INO80C: variants seen among roughly 807,000 people sequenced by gnomAD.
The protein encoded by INO80C is IES6 homolog.
A neutral mutation model predicts 17.7 loss-of-function variants in INO80C; 17 were observed. The observed-to-expected ratio is 0.96, with a 90% confidence interval of 0.66 to 1.44. The LOEUF is 1.44. INO80C is among the 40% of genes most tolerant of loss of function. INO80C has a pLI of 0.00. For synonymous variants in INO80C, 96 were observed against 95.8 expected, an observed-to-expected ratio of 1.00 and a Z score of -0.01; for missense variants, 244 against 245.0, an observed-to-expected ratio of 1.00 and a Z score of 0.03.
intron 1 of INO80C, among the ~76,000 whole-genome samples, chr18:35,483,137 G>A (rs948888614): frequency 6.6e-6 from 1 of 152,024 alleles, no homozygotes; most frequent in African/African-American, 2.4e-5. Context: ...ATTGGGATTC[G>A]TCCATGTCAG....
At chr18:35,475,458 AG>A (rs1221544376) in intron 4 of INO80C, among the ~76,000 whole-genome samples, 9 of 152,346 alleles carry the variant, frequency 5.9e-5, no homozygotes, top group African/African-American at 2.2e-4. Context: ...ACTTGAGCCC[AG>A]GAATTTGAGA....
Position 35,468,622 on chromosome 18 carries a change from T to C in INO80C, c.568A>G (p.Ile190Val), listed in dbSNP as rs776007182. ...TCCCTTTCTGGGGCTCAGGGAACGA[T>C]GCTCGTGGCCTTCCTCAGGGCCAGG... ...GYLALRKATS[I>V]VP Residue 190 changes from isoleucine (I) to valine (V), a missense_variant, in exon 5 of 5, where the codon ATC (isoleucine) becomes GTC (valine). By Grantham distance (29) the Ile-to-Val change is conservative (BLOSUM62 3). Transcript: ENST00000334598. 63 of 1,614,022 alleles carry C rather than the reference T, an allele frequency of 3.9e-5. No homozygotes were observed. Among genetic ancestry groups the C allele is most frequent in the African/African-American group, 2.4e-4 (18 of 74,912 alleles).
intron 1 of INO80C, among the ~76,000 whole-genome samples, chr18:35,492,890 A>G (rs1334134133): frequency 5.9e-5 from 9 of 152,226 alleles, no homozygotes; most frequent in Admixed American, 5.9e-4. Flanking sequence ...TGAAAAGCCT[A>G]AATTACCCTA....
At chr18:35,468,763 G>A in intron 4 of INO80C, 21 bp from the exon 5 acceptor site, 1 of 1,609,112 alleles carries the variant, frequency 6.2e-7, no homozygotes, top group Non-Finnish European at 8.5e-7. Flanking sequence ...AGAGGCACAG[G>A]GAAGGGCAGA....
At chr18:35,494,460 G>A (rs142743831) in intron 1 of INO80C, among the ~76,000 whole-genome samples, 1 of 152,218 alleles carries the variant, frequency 6.6e-6, no homozygotes, top group African/African-American at 2.4e-5. Context: ...AGCAATAAAA[G>A]AAGTCTGAAA....
chr18:35,491,230 C>A (rs1484033731), intron 1 of INO80C, among the ~76,000 whole-genome samples: 1 of 152,160 alleles, frequency 6.6e-6, no homozygotes, highest in Admixed American at 6.5e-5. Context: ...CAGACAGGGG[C>A]CCTCGTTAGA....
intron 1 of INO80C, among the ~76,000 whole-genome samples, chr18:35,492,544 GAA>G (rs10707249): frequency 6.6e-6 from 1 of 151,912 alleles, no homozygotes; most frequent in Non-Finnish European, 1.5e-5. Flanking sequence ...TTTTAAAAAT[GAA>G]AAAAAAGGTA....
At chr18:35,477,571 A>T (rs2045751580) in intron 4 of INO80C, among the ~76,000 whole-genome samples, 1 of 152,070 alleles carries the variant, frequency 6.6e-6, no homozygotes, top group Non-Finnish European at 1.5e-5. Context: ...CATTTGTTTA[A>T]GAAAACAAAA....
intron 4 of INO80C, among the ~76,000 whole-genome samples, chr18:35,477,237 C>G (rs1316802266): frequency 7.6e-6 from 1 of 132,064 alleles, no homozygotes; most frequent in Non-Finnish European, 1.6e-5. Context: ...CAGTGAGACT[C>G]TGTCTCAAAA....
chr18:35,469,153 T>G (rs1238974321), intron 4 of INO80C, among the ~76,000 whole-genome samples: 3 of 152,162 alleles, frequency 2.0e-5, no homozygotes, highest in African/African-American at 7.2e-5. Flanking sequence ...CCTGCTGTGC[T>G]CCACTTACCT....
At chr18:35,497,608 C>G in intron 1 of INO80C, 111 bp downstream of exon 1, 8 of 1,461,458 alleles carry the variant, frequency 5.5e-6, no homozygotes, top group Admixed American at 2.6e-5. Context: ...TCAACCCCAA[C>G]GGAGACCGCA....
chr18:35,479,521 A>C, intron 2 of INO80C, 110 bp from the exon 3 acceptor site: 1 of 667,454 alleles, frequency 1.5e-6, no homozygotes, highest in Non-Finnish European at 2.7e-6. Context: ...ATCTGTCAAC[A>C]ATCATTAAGA....
chr18:35,471,512 T>C (rs1304714039), intron 4 of INO80C, among the ~76,000 whole-genome samples: 1 of 152,262 alleles, frequency 6.6e-6, no homozygotes, highest in African/African-American at 2.4e-5. Context: ...AAATATCCAC[T>C]GTGATAGACC....
In INO80C at chr18:35,497,756, C is replaced by G. The variant is rs750401488; in HGVS notation, c.119G>C (p.Ser40Thr). 6.2e-6 allele frequency: 10 copies of G among 1,612,930 alleles called. No homozygotes were observed. Among genetic ancestry groups the G allele is most frequent in the South Asian group, 1.1e-5 (1 of 91,018 alleles). Residue 40 changes from serine to threonine, a missense_variant, in exon 1 of 5, where the codon AGT becomes ACT. Coordinates refer to ENST00000334598, the MANE Select transcript of INO80C (RefSeq NM_194281.4). ...GGAAGCGGACGCTTTTTTCTTCTTA[C>G]TGGCGCCATAGCCCCCGCCGCTGCT... ...NGSSGGGYGA[S>T]KKKKASASSF...
At chr18:35,470,655 A>T (rs1476352327) in intron 4 of INO80C, among the ~76,000 whole-genome samples, 1 of 152,158 alleles carries the variant, frequency 6.6e-6, no homozygotes. Flanking sequence ...CGGCCCGCCC[A>T]AGTTCAGACC....
intron 1 of INO80C, among the ~76,000 whole-genome samples, chr18:35,484,396 T>G (rs2045848646): frequency 1.3e-5 from 2 of 152,310 alleles, no homozygotes; most frequent in Non-Finnish European, 1.5e-5. Flanking sequence ...CTGAGAAGAC[T>G]GGAAACAATG....
chr18:35,494,067 T>C lies in INO80C; in HGVS notation c.156+3652A>G, dbSNP rs111531279. ...CAAACCTCTCCAAGCCAACTTCAAGTCCCTCTGCCTCCCTACCTCTCCTTT... is the reference window on the plus strand; with the variant it reads ...CAAACCTCTCCAAGCCAACTTCAAGCCCCTCTGCCTCCCTACCTCTCCTTT... On this transcript the variant is annotated intron_variant, in intron 1 of 4. Coordinates refer to ENST00000334598, the MANE Select transcript of INO80C (RefSeq NM_194281.4). Among the ~76,000 whole-genome samples, 472 of 152,278 alleles carry C rather than the reference T, an allele frequency of 3.1e-3. 5 individuals carry two copies. The highest frequency in any genetic ancestry group is 0.011 in the African/African-American group (439 of 41,552).
chr18:35,484,098 G>A (rs552956393), intron 1 of INO80C, among the ~76,000 whole-genome samples: 1 of 152,256 alleles, frequency 6.6e-6, no homozygotes, highest in South Asian at 2.1e-4. Flanking sequence ...TGTAATCCAA[G>A]GTTAAAGGCC....
At chr18:35,472,426 C>T (rs902674678) in intron 4 of INO80C, among the ~76,000 whole-genome samples, 3 of 152,192 alleles carry the variant, frequency 2.0e-5, no homozygotes, top group Non-Finnish European at 4.4e-5. Flanking sequence ...TGTTCATATC[C>T]TTTGCCCGCT....
Sources: allele counts gnomAD v4.1 joint callset (sites outside exome capture counted in the v4.1 genomes callset), GRCh38; gene constraint gnomAD v4.1.1; transcripts MANE v1.5; gene names NCBI Gene and HGNC (gene_info 2026-07-23, HGNC 2026-07-21).